LRRC4C: variants seen among roughly 807,000 people sequenced by gnomAD.
LRRC4C encodes the protein leucine-rich repeat-containing protein 4C.
Under a neutral mutation model 33.6 loss-of-function variants are expected in LRRC4C, and 5 were observed. That is an observed-to-expected ratio of 0.15 (90% CI 0.08 to 0.31). The LOEUF (loss-of-function observed/expected upper bound fraction) is 0.31, where lower values mean the gene tolerates loss of function less well. Among genes scored for constraint, LRRC4C ranks in the 10% least tolerant of loss-of-function variants. LRRC4C has a pLI of 1.00. For missense variants in LRRC4C, 560 were observed against 796.7 expected (o/e 0.70, Z 3.58); for synonymous variants, 329 against 302.0 (o/e 1.09, Z -0.93).
intron 2 of LRRC4C, among the ~76,000 whole-genome samples, chr11:40,708,632 A>G (rs571694120): frequency 1.3e-5 from 2 of 152,260 alleles, no homozygotes; most frequent in South Asian, 4.2e-4. Context: ...TTTACTTCCA[A>G]CTATGTGGTC....
intron 2 of LRRC4C, among the ~76,000 whole-genome samples, chr11:40,776,365 A>AT (rs1215181200): frequency 4.6e-5 from 7 of 151,120 alleles, no homozygotes; most frequent in African/African-American, 9.7e-5. Context: ...TGGTCTAGGG[A>AT]TTTTTTTAAT....
At chr11:40,248,133 C>T (rs4756587) in intron 4 of LRRC4C, among the ~76,000 whole-genome samples, 113,411 of 152,010 alleles carry the variant, frequency 0.75, 46,252 homozygotes, top group East Asian at 0.95. Flanking sequence ...GCCTCTCTGC[C>T]TTTTCATCCT....
intron 4 of LRRC4C, among the ~76,000 whole-genome samples, chr11:40,247,292 C>G (rs1170713983): frequency 3.3e-5 from 5 of 152,108 alleles, no homozygotes; most frequent in Admixed American, 3.3e-4. Flanking sequence ...TTAGCATTTT[C>G]CTATTATAAA....
chr11:40,381,736 A>G (rs1032291318), intron 3 of LRRC4C, among the ~76,000 whole-genome samples: 1 of 150,580 alleles, frequency 6.6e-6, no homozygotes, highest in East Asian at 1.9e-4. Context: ...CCACTATATC[A>G]TTGGCCAAGC....
chr11:40,881,379 TCATACA>T (rs1285488795), intron 2 of LRRC4C, among the ~76,000 whole-genome samples: 1 of 152,152 alleles, frequency 6.6e-6, no homozygotes. Context: ...CATTAGCAAC[TCATACA>T]CAAACACTTT....
At chr11:40,348,304 CAATAA>C (rs1237013470) in intron 3 of LRRC4C, among the ~76,000 whole-genome samples, 1 of 151,466 alleles carries the variant, frequency 6.6e-6, no homozygotes, top group Non-Finnish European at 1.5e-5. Context: ...CTGTGAAGCA[CAATAA>C]AACAAGGTAT....
At chr11:40,229,333 C>T (rs1011947373) in intron 5 of LRRC4C, among the ~76,000 whole-genome samples, 4 of 152,138 alleles carry the variant, frequency 2.6e-5, no homozygotes, top group Non-Finnish European at 4.4e-5. Context: ...AGTGCAGTAG[C>T]GTGATCTCAG....
chr11:40,883,226 C>T (rs559514901), intron 2 of LRRC4C, among the ~76,000 whole-genome samples: 7 of 152,078 alleles, frequency 4.6e-5, no homozygotes, highest in Admixed American at 2.0e-4. Flanking sequence ...TAACAAGAGT[C>T]CCTGAGATGC....
chr11:40,200,180 TAAAAAAAAAAAA>T (rs56269292), intron 5 of LRRC4C, among the ~76,000 whole-genome samples: 9 of 26,040 alleles, frequency 3.5e-4, no homozygotes, highest in East Asian at 2.8e-3. Context: ...CTGTCTCCAC[TAAAAAAAAAAAA>T]AAAAAAAAAA....
chr11:41,024,743 A>G (rs960923663), intron 1 of LRRC4C, among the ~76,000 whole-genome samples: 8 of 151,680 alleles, frequency 5.3e-5, no homozygotes, highest in Non-Finnish European at 7.4e-5. Context: ...TTACAGACAT[A>G]TCTCATTTTA....
rs532729211 is a variant in LRRC4C, at chr11:41,117,150, C to T, written c.-495-183427G>A. 2.0e-5 allele frequency among the ~76,000 whole-genome samples: 3 copies of T among 152,196 alleles called. No individual in the cohort carries two copies. In the South Asian group the frequency reaches 6.2e-4, roughly 32 times the overall value. ...CTTTAGCTGAAAACAAGCCAACTCC[C>T]CAAAGCAAAGTCATCTACCCTACCT... On this transcript the variant is annotated intron_variant, in intron 1 of 6. Coordinates refer to ENST00000528697, the MANE Select transcript of LRRC4C (RefSeq NM_001258419.2).
At chr11:41,066,485 A>G (rs1033616673) in intron 1 of LRRC4C, among the ~76,000 whole-genome samples, 19 of 152,230 alleles carry the variant, frequency 1.2e-4, no homozygotes, top group African/African-American at 4.3e-4. Context: ...CAAGTTGAAA[A>G]ACACACTTGA....
chr11:40,127,190 T>C (rs1345729483), intron 6 of LRRC4C, among the ~76,000 whole-genome samples: 2 of 151,568 alleles, frequency 1.3e-5, no homozygotes, highest in African/African-American at 2.4e-5. Context: ...GGCAGGAAAA[T>C]CGCTTGAACC....
At chr11:41,091,766 T>C (rs1287212299) in intron 1 of LRRC4C, among the ~76,000 whole-genome samples, 2 of 152,160 alleles carry the variant, frequency 1.3e-5, no homozygotes, top group African/African-American at 4.8e-5. Flanking sequence ...TTATTAATAA[T>C]AGTTAACATT....
intron 1 of LRRC4C, among the ~76,000 whole-genome samples, chr11:40,998,102 T>A (rs1001508900): frequency 1.3e-5 from 2 of 152,128 alleles, no homozygotes; most frequent in Non-Finnish European, 2.9e-5. Flanking sequence ...AGATTCAGGT[T>A]TTCTGAATTC....
chr11:41,325,575 T>TGTGTGTGTGTG (rs369877294), intron 1 of LRRC4C, among the ~76,000 whole-genome samples: 1 of 117,498 alleles, frequency 8.5e-6, no homozygotes, highest in Non-Finnish European at 1.8e-5. Context: ...AGTTTTTTTT[T>TGTGTGTGTGTG]TTTGTGTGTG....
chr11:40,749,451 TGA>T lies in LRRC4C; in HGVS notation c.-406-101175_-406-101174del, dbSNP rs1390592173. Among the ~76,000 whole-genome samples the T allele has an allele frequency of 5.4e-5, 5 of 92,280 alleles. No homozygotes were observed. The East Asian group carries it at 1.4e-3, about 27-fold the overall frequency. The allele number at this position is 92,280 out of a possible 152,430, so 60.5% of individuals were successfully genotyped here. ...TGGAAACACAATATACCAAAACCTA[TGA>T]GATACAAAAAAAAAAAAAAACCCTA... On this transcript the variant is annotated intron_variant, in intron 2 of 6. Coordinates refer to ENST00000528697, the MANE Select transcript of LRRC4C (RefSeq NM_001258419.2).
At position 40,774,721 on chromosome 11, in the gene LRRC4C, A is replaced by G. The variant is rs541819250; in HGVS notation, c.-406-126443T>C. Among the ~76,000 whole-genome samples, 759 of 152,292 alleles carry G rather than the reference A, an allele frequency of 5.0e-3. 2 individuals carry two copies. The highest frequency in any genetic ancestry group is 8.7e-3 in the Non-Finnish European group (591 of 68,014). On this transcript the variant is annotated intron_variant, in intron 2 of 6. Coordinates refer to ENST00000528697, the MANE Select transcript of LRRC4C (RefSeq NM_001258419.2). ...ATACTCAACTTTATATTGGAAAAAA[A>G]TTTAAAAGACTATTGATGTGCATTT...
At chr11:40,259,532 T>A (rs531910380) in intron 4 of LRRC4C, among the ~76,000 whole-genome samples, 1 of 152,154 alleles carries the variant, frequency 6.6e-6, no homozygotes, top group South Asian at 2.1e-4. Flanking sequence ...TTCTAGGGTT[T>A]TTATGGTTTT....
Sources: allele counts gnomAD v4.1 joint callset (sites outside exome capture counted in the v4.1 genomes callset), GRCh38; gene constraint gnomAD v4.1.1; transcripts MANE v1.5; gene names NCBI Gene and HGNC (gene_info 2026-07-23, HGNC 2026-07-21).